The following PLCZ1 variants were observed in gnomAD, a reference collection of about 807,000 sequenced individuals.
PLCZ1 encodes the protein 1-phosphatidylinositol 4,5-bisphosphate phosphodiesterase zeta-1.
PLCZ1 carries 64 observed loss-of-function variants against 76.8 expected under a neutral mutation model. The observed-to-expected ratio is 0.83, with a 90% CI of 0.68 to 1.03. PLCZ1 has a LOEUF of 1.03. PLCZ1 is among the 50% of genes least tolerant of loss of function. PLCZ1 has a pLI of 0.00. For missense variants in PLCZ1, 751 were observed against 713.7 expected (o/e 1.05, Z -0.60); for synonymous variants, 248 against 230.8 (o/e 1.07, Z -0.68).
intron 3 of PLCZ1, among the ~76,000 whole-genome samples, chr12:18,727,121 G>A (rs1958798098): frequency 6.6e-6 from 1 of 152,042 alleles, no homozygotes; most frequent in Admixed American, 6.6e-5. Flanking sequence ...CAAGGTGGGA[G>A]GAGCACTTGA....
At chr12:18,717,869 T>A (rs1253365047) in intron 5 of PLCZ1, among the ~76,000 whole-genome samples, 2 of 152,168 alleles carry the variant, frequency 1.3e-5, no homozygotes, top group Non-Finnish European at 2.9e-5. Flanking sequence ...AAAATACGCA[T>A]TCAGTGGAAA....
intron 3 of PLCZ1, chr12:18,730,848 A>G (rs1959007541): frequency 1.3e-5 from 2 of 152,148 alleles, no homozygotes; most frequent in Admixed American, 1.3e-4. Context: ...TTTGCCTTTA[A>G]TGTAAATTTT....
chr12:18,707,456 CTTTCT>C (rs1176351324), intron 6 of PLCZ1, among the ~76,000 whole-genome samples: 5 of 152,118 alleles, frequency 3.3e-5, no homozygotes, highest in Admixed American at 2.0e-4. Flanking sequence ...GGAAGATCCT[CTTTCT>C]TTTATCTTCC....
At chr12:18,647,883 A>G in the PLCZ1 span, 2 of 1,546,456 alleles carry the variant, frequency 1.3e-6, no homozygotes, top group Non-Finnish European at 1.8e-6. Context: ...TAGGTAGTAT[A>G]TGATGAAGTC....
chr12:18,650,335 A>C, the PLCZ1 span, among the ~76,000 whole-genome samples: 8 of 131,072 alleles, frequency 6.1e-5, no homozygotes, highest in Admixed American at 3.0e-4. Flanking sequence ...CTCTCTCTAT[A>C]TATATATATA....
chr12:18,718,666 GACA>G (rs1958241102), intron 5 of PLCZ1, among the ~76,000 whole-genome samples: 1 of 152,010 alleles, frequency 6.6e-6, no homozygotes, highest in Non-Finnish European at 1.5e-5. Context: ...AGACTTTTCT[GACA>G]ACTTTACCCT....
At chr12:18,693,629 G>A in intron 12 of PLCZ1, 1 of 1,567,044 alleles carries the variant, frequency 6.4e-7, no homozygotes, top group Admixed American at 1.7e-5. Context: ...TGTGTTTATT[G>A]ATGAAATTGA....
chr12:18,663,454 T>C, the PLCZ1 span, among the ~76,000 whole-genome samples: 273 of 152,166 alleles, frequency 1.8e-3, 1 homozygote, highest in African/African-American at 6.1e-3. Context: ...TTAAACTACA[T>C]AGGAGGATAT....
chr12:18,711,618 G>T (rs1295326775), intron 6 of PLCZ1, among the ~76,000 whole-genome samples: 2 of 151,460 alleles, frequency 1.3e-5, no homozygotes, highest in Non-Finnish European at 2.9e-5. Flanking sequence ...AGAAGGAGAA[G>T]TAGGTTACAG....
At chr12:18,731,360 C>G (rs1290995637) in intron 3 of PLCZ1, among the ~76,000 whole-genome samples, 1 of 152,040 alleles carries the variant, frequency 6.6e-6, no homozygotes, top group Non-Finnish European at 1.5e-5. Flanking sequence ...GGTAGGCTTA[C>G]TGCCCACCAT....
intron 7 of PLCZ1, among the ~76,000 whole-genome samples, chr12:18,702,552 A>G (rs975210262): frequency 3.3e-5 from 5 of 152,144 alleles, no homozygotes; most frequent in African/African-American, 1.2e-4. Flanking sequence ...TCAGGCATCC[A>G]TTCAAATTAT....
chr12:18,702,025 A>G (rs773479250), intron 7 of PLCZ1, among the ~76,000 whole-genome samples: 3 of 152,044 alleles, frequency 2.0e-5, no homozygotes, highest in Non-Finnish European at 2.9e-5. Flanking sequence ...CATTTTTTTT[A>G]TATTTCCCAA....
At chr12:18,705,645 C>T (rs1420775608) in intron 6 of PLCZ1, among the ~76,000 whole-genome samples, 2 of 151,716 alleles carry the variant, frequency 1.3e-5, no homozygotes, top group Non-Finnish European at 1.5e-5. Context: ...GCGGGCGGAT[C>T]ACCTGAGGTC....
chr12:18,692,993 T>C lies in PLCZ1; in HGVS notation c.1461+1917A>G, dbSNP rs1273243834. ...AGTTAGAGAGAATTAAAGACTATCT[T>C]CTCATGGAGGAAGAATTCATTAGAA... On this transcript the variant is annotated intron_variant, in intron 12 of 14. Transcript: ENST00000266505. 3 of 1,405,378 alleles carry C rather than the reference T, an allele frequency of 2.1e-6. No homozygotes were observed. The East Asian group carries it at 6.8e-5, about 32-fold the overall frequency. The allele number at this position is 1,405,378 out of a possible 1,614,324, so 87.1% of individuals were successfully genotyped here.
intron 1 of PLCZ1, 102 bp from the exon 2 acceptor site, chr12:18,737,611 C>A: frequency 4.7e-6 from 3 of 633,884 alleles, no homozygotes; most frequent in South Asian, 3.5e-5. Context: ...GTGGTACCTG[C>A]ACTACCCTGC....
intron 6 of PLCZ1, among the ~76,000 whole-genome samples, chr12:18,707,021 A>G (rs1956685096): frequency 6.6e-6 from 1 of 151,892 alleles, no homozygotes; most frequent in Admixed American, 6.6e-5. Context: ...CATCTCTCTA[A>G]TCTCTGTCCC....
intron 9 of PLCZ1, among the ~76,000 whole-genome samples, chr12:18,700,512 CAAAAAAAAAAAAA>C (rs11324526): frequency 2.9e-5 from 2 of 67,896 alleles, no homozygotes; most frequent in Non-Finnish European, 5.0e-5. Context: ...AGCCAACGTA[CAAAAAAAAAAAAA>C]AAAAAAAAAA....
At chr12:18,662,837 A>C in the PLCZ1 span, among the ~76,000 whole-genome samples, 1 of 152,102 alleles carries the variant, frequency 6.6e-6, no homozygotes, top group African/African-American at 2.4e-5. Context: ...CCAAACAGAA[A>C]ATGCACATAG....
At chr12:18,709,824 C>T (rs1483950390) in intron 6 of PLCZ1, among the ~76,000 whole-genome samples, 1 of 152,104 alleles carries the variant, frequency 6.6e-6, no homozygotes, top group Non-Finnish European at 1.5e-5. Flanking sequence ...GTATTTGTGT[C>T]TCCAATTTCT....
Sources: gnomAD v4.1 joint callset for allele counts (sites outside exome capture counted in the v4.1 genomes callset) on GRCh38, gnomAD v4.1.1 for gene constraint, MANE v1.5 for transcripts, NCBI Gene and HGNC (gene_info 2026-07-23, HGNC 2026-07-21) for gene names.